Variants in MTA3 observed in about 807,000 individuals in gnomAD.
MTA3 encodes the protein metastasis associated 1 family member 3.
MTA3 carries 34 observed loss-of-function variants against 83.5 expected under a neutral mutation model. The observed-to-expected ratio is 0.41, with a 90% CI of 0.31 to 0.54. The LOEUF is 0.54. MTA3 is among the 20% of genes least tolerant of loss of function. MTA3 has a pLI of 0.33. For missense variants in MTA3, 761 were observed against 726.4 expected (o/e 1.05, Z -0.55); for synonymous variants, 303 against 252.7 (o/e 1.20, Z -1.89).
intron 4 of MTA3, among the ~76,000 whole-genome samples, chr2:42,615,962 T>C (rs1684827631): frequency 6.6e-6 from 1 of 151,658 alleles, no homozygotes; most frequent in Non-Finnish European, 1.5e-5. Flanking sequence ...CCTCGTGATC[T>C]GCCCACCTCA....
intron 3 of MTA3, among the ~76,000 whole-genome samples, chr2:42,602,168 G>T (rs1333085859): frequency 6.6e-6 from 1 of 152,006 alleles, no homozygotes; most frequent in Non-Finnish European, 1.5e-5. Context: ...GTAGAGATGG[G>T]GTTTCATCCT....
intron 2 of MTA3, among the ~76,000 whole-genome samples, chr2:42,537,983 A>C (rs1052900545): frequency 8.5e-5 from 13 of 152,192 alleles, no homozygotes; most frequent in African/African-American, 3.1e-4. Context: ...CTGTAATCCC[A>C]GCACTTTGGG....
Position 42,748,201 on chromosome 2 carries a change from T to TGTGTGTGTG in MTA3, c.1760-5173_1760-5172insGTGTGTGTG, listed in dbSNP as rs1553402307. 6.0e-3 allele frequency among the ~76,000 whole-genome samples: 823 copies of TGTGTGTGTG among 137,708 alleles called. 16 individuals are homozygous for TGTGTGTGTG. Among genetic ancestry groups the TGTGTGTGTG allele is most frequent in the Middle Eastern group, 0.012 (3 of 260 alleles). 90.3% of individuals were successfully genotyped at this position (137,708 alleles called of 152,430 possible). ...GTGCCATCACATCCAGCTAATGTGT[T>TGTGTGTGTG]TGTGTGTGTGTGTGTGTGTGTGTGT... On this transcript the variant is annotated intron_variant, in intron 16 of 16. Coordinates refer to ENST00000405094, the MANE Select transcript of MTA3 (RefSeq NM_001330442.2).
upstream of MTA3, among the ~76,000 whole-genome samples, chr2:42,565,669 C>T (rs533175877): frequency 1.3e-5 from 2 of 152,258 alleles, no homozygotes; most frequent in East Asian, 3.9e-4. Flanking sequence ...AGGGACCTAA[C>T]GCATATGAAG....
At chr2:42,619,144 C>G (rs893979035) in intron 4 of MTA3, among the ~76,000 whole-genome samples, 2 of 152,114 alleles carry the variant, frequency 1.3e-5, no homozygotes, top group African/African-American at 4.8e-5. Context: ...GGAGAGAGAA[C>G]AGTTAAAGGC....
chr2:42,576,047 G>A (rs1352715966), intron 2 of MTA3, among the ~76,000 whole-genome samples: 1 of 152,124 alleles, frequency 6.6e-6, no homozygotes, highest in Non-Finnish European at 1.5e-5. Context: ...ATGTGAAAAA[G>A]ACATCTTATT....
intron 8 of MTA3, among the ~76,000 whole-genome samples, chr2:42,668,347 C>T (rs6724638): frequency 0.75 from 114,297 of 152,094 alleles, 43,214 homozygotes; most frequent in South Asian, 0.88. Context: ...ACATTGGGCC[C>T]TTCTGGCTCT....
At chr2:42,745,832 T>TTTTTTTTTTTTTTTTTTTTTTTTC (rs70963350) in intron 16 of MTA3, among the ~76,000 whole-genome samples, 1 of 149,500 alleles carries the variant, frequency 6.7e-6, no homozygotes, top group Non-Finnish European at 1.5e-5. Flanking sequence ...CTCTTTTTTT[T>TTTTTTTTTTTTTTTTTTTTTTTTC]GAGACAGAGT....
chr2:42,574,705 C>G (rs969737529), intron 2 of MTA3, among the ~76,000 whole-genome samples: 1 of 152,206 alleles, frequency 6.6e-6, no homozygotes, highest in Admixed American at 6.5e-5. Flanking sequence ...GGATTACAGG[C>G]GTGAACCACT....
At chr2:42,730,663 GC>G (rs901877129) in intron 16 of MTA3, among the ~76,000 whole-genome samples, 58 of 151,488 alleles carry the variant, frequency 3.8e-4, no homozygotes, top group African/African-American at 1.4e-3. Flanking sequence ...TTGACTTGTA[GC>G]TTTTTCTGAT....
At chr2:42,499,959 T>C (rs756291978) in intron 2 of MTA3, among the ~76,000 whole-genome samples, 14 of 150,882 alleles carry the variant, frequency 9.3e-5, no homozygotes, top group Non-Finnish European at 1.9e-4. Flanking sequence ...GTTTTCTTTT[T>C]TGAAAAAAAA....
chr2:42,708,610 G>A (rs976800470), intron 13 of MTA3, among the ~76,000 whole-genome samples: 2 of 152,064 alleles, frequency 1.3e-5, no homozygotes, highest in African/African-American at 4.8e-5. Flanking sequence ...AACCCCCTTG[G>A]CAGTTTCATA....
At chr2:42,751,976 C>G (rs937987080) in intron 16 of MTA3, among the ~76,000 whole-genome samples, 1 of 152,172 alleles carries the variant, frequency 6.6e-6, no homozygotes, top group Non-Finnish European at 1.5e-5. Context: ...GTAGGAAAAA[C>G]TTGACACAAA....
intron 3 of MTA3, among the ~76,000 whole-genome samples, chr2:42,593,383 T>A (rs563687936): frequency 1.3e-5 from 2 of 152,090 alleles, no homozygotes; most frequent in East Asian, 3.9e-4. Context: ...AATAAATACA[T>A]AAATCAGTAA....
At chr2:42,496,571 T>G (rs551287712) in intron 2 of MTA3, among the ~76,000 whole-genome samples, 6 of 149,232 alleles carry the variant, frequency 4.0e-5, no homozygotes, top group African/African-American at 1.2e-4. Context: ...TTTTAGAGTT[T>G]GAAAGAACCT....
chr2:42,736,252 T>G (rs1196494486), intron 16 of MTA3, among the ~76,000 whole-genome samples: 1 of 152,204 alleles, frequency 6.6e-6, no homozygotes. Context: ...GTGGAGACTC[T>G]TGTTCTCTTC....
chr2:42,749,301 A>G (rs1423391129), intron 16 of MTA3, among the ~76,000 whole-genome samples: 1 of 152,052 alleles, frequency 6.6e-6, no homozygotes, highest in South Asian at 2.1e-4. Flanking sequence ...TATTCATCTC[A>G]TACTGCATGA....
chr2:42,753,373 G>T lies in MTA3; in HGVS notation c.1760-1G>T. 1 of 1,550,480 alleles carries T rather than the reference G, an allele frequency of 6.4e-7. No homozygotes were observed. Among genetic ancestry groups the T allele is most frequent in the Non-Finnish European group, 8.7e-7 (1 of 1,146,968 alleles). Reference sequence around the variant, plus strand: ...TTCACACTGTTACTTCCCTTTTCTAGAACTCACGTGCTGTGTGTCAGACTG... The same window carrying T: ...TTCACACTGTTACTTCCCTTTTCTATAACTCACGTGCTGTGTGTCAGACTG... On this transcript the variant is annotated splice_acceptor_variant, in intron 16 of 16. Transcript: ENST00000405094. LOFTEE classifies it high-confidence loss of function.
chr2:42,599,358 G>T (rs1208416796), intron 3 of MTA3, among the ~76,000 whole-genome samples: 2 of 152,172 alleles, frequency 1.3e-5, no homozygotes, highest in Non-Finnish European at 2.9e-5. Flanking sequence ...ACTTTGGGAG[G>T]CCGAGGCGGG....
Sources: allele counts gnomAD v4.1 joint callset (sites outside exome capture counted in the v4.1 genomes callset), GRCh38; gene constraint gnomAD v4.1.1; transcripts MANE v1.5; gene names NCBI Gene and HGNC (gene_info 2026-07-23, HGNC 2026-07-21).